The following TMEM272 variants were observed in gnomAD, a reference collection of about 807,000 sequenced individuals.
TMEM272 encodes long intergenic non-protein coding RNA 282.
TMEM272 carries 8 observed loss-of-function variants against 3.7 expected under a neutral mutation model. The observed-to-expected ratio is 2.17, with a 90% CI of 1.27 to 3.91. The LOEUF is 3.91. Ranked by LOEUF, TMEM272 falls within the 30% of genes most tolerant of loss-of-function variation. TMEM272 has a pLI of 0.00. For missense variants in TMEM272, 166 were observed against 91.5 expected (o/e 1.81, Z -3.32); for synonymous variants, 63 against 39.8 (o/e 1.58, Z -2.20).
At chr13:51,831,577 T>G (rs1956173586) in intron 2 of TMEM272, among the ~76,000 whole-genome samples, 1 of 152,222 alleles carries the variant, frequency 6.6e-6, no homozygotes, top group Non-Finnish European at 1.5e-5. Flanking sequence ...ATGGAAATCA[T>G]CAGCAGTTAC....
the TMEM272 span, among the ~76,000 whole-genome samples, chr13:51,905,997 C>T: frequency 6.6e-6 from 1 of 152,316 alleles, no homozygotes; most frequent in Admixed American, 6.5e-5. Context: ...AGCAGAGGAA[C>T]GTGCACTGTA....
At chr13:51,875,556 A>G in the TMEM272 span, among the ~76,000 whole-genome samples, 1 of 152,182 alleles carries the variant, frequency 6.6e-6, no homozygotes, top group Non-Finnish European at 1.5e-5. Flanking sequence ...AGATATTCTG[A>G]TGACAGTTCC....
chr13:51,846,786 T>C (rs1046200576), upstream of TMEM272, among the ~76,000 whole-genome samples: 9 of 152,224 alleles, frequency 5.9e-5, no homozygotes, highest in African/African-American at 2.2e-4. Context: ...GTATAATGTA[T>C]GGGCTAATGT....
chr13:51,880,354 T>A, the TMEM272 span, among the ~76,000 whole-genome samples: 1 of 152,074 alleles, frequency 6.6e-6, no homozygotes, highest in South Asian at 2.1e-4. Flanking sequence ...TTGAAATACT[T>A]GAAGAGAACC....
At chr13:51,844,293 CTATT>C (rs1158849004) in intron 1 of TMEM272, among the ~76,000 whole-genome samples, 3 of 115,428 alleles carry the variant, frequency 2.6e-5, no homozygotes, top group African/African-American at 1.0e-4. Context: ...GTAAATTAAA[CTATT>C]TATTCCTAAA....
rs985434661 is a variant in TMEM272, at chr13:51,826,633, GAGA to G, written c.59-11_59-9del. Reference sequence around the variant, plus strand: ...GCACAACAACGAAGCAGGCTGCAAGGAGAAGAAGGGGCAGGCACTGGGTTAGAA... The same window carrying G: ...GCACAACAACGAAGCAGGCTGCAAGGAGAAGGGGCAGGCACTGGGTTAGAA... On this transcript the variant is annotated splice_polypyrimidine_tract_variant and intron_variant, in intron 2 of 4. Transcript: ENST00000629372. The G allele has an allele frequency of 1.9e-5, 13 of 702,546 alleles. No individual in the cohort carries two copies. Among genetic ancestry groups the G allele is most frequent in the Middle Eastern group, 2.3e-4 (1 of 4,370 alleles). The allele number at this position is 702,546 out of a possible 1,614,324, so 43.5% of individuals were successfully genotyped here.
the TMEM272 span, among the ~76,000 whole-genome samples, chr13:51,922,160 T>C: frequency 3.5e-4 from 54 of 152,312 alleles, no homozygotes; most frequent in African/African-American, 1.0e-3. Flanking sequence ...GCAGGAGTTA[T>C]CGCTTGAAAA....
intron 2 of TMEM272, among the ~76,000 whole-genome samples, chr13:51,833,513 T>C (rs919299221): frequency 2.6e-5 from 4 of 152,026 alleles, no homozygotes; most frequent in Admixed American, 6.6e-5. Flanking sequence ...CAGCAGCGCC[T>C]TGAGCACCCA....
At chr13:51,849,597 G>T (rs903017012), upstream of TMEM272, among the ~76,000 whole-genome samples, 1 of 152,230 alleles carries the variant, frequency 6.6e-6, no homozygotes, top group Admixed American at 6.5e-5. Context: ...TGTCCAACAT[G>T]CTCCAGAAAA....
intron 2 of TMEM272, among the ~76,000 whole-genome samples, chr13:51,832,930 G>A (rs1170639525): frequency 2.6e-5 from 4 of 152,190 alleles, no homozygotes; most frequent in Admixed American, 2.0e-4. Context: ...GTGCACCCAA[G>A]GGACAGTACA....
chr13:51,816,421 G>A lies in TMEM272; in HGVS notation c.*330C>T, dbSNP rs1026316065. ...GCACCAGTCATTGAAATTGCACTAT[G>A]ATTTGAAAAGGTCTCCCATTCTTTG... On this transcript the variant is annotated 3_prime_UTR_variant, in exon 5 of 5. Coordinates refer to ENST00000629372, the MANE Select transcript of TMEM272 (RefSeq NM_001351003.2). 2 of 225,124 alleles carry A rather than the reference G, an allele frequency of 8.9e-6. No individual in the cohort carries two copies. Among genetic ancestry groups the A allele is most frequent in the African/African-American group, 4.4e-5 (2 of 45,044 alleles). 13.9% of individuals were successfully genotyped at this position (225,124 alleles called of 1,614,324 possible).
At chr13:51,905,139 G>A in the TMEM272 span, among the ~76,000 whole-genome samples, 1 of 152,218 alleles carries the variant, frequency 6.6e-6, no homozygotes. Context: ...CAGACAACAC[G>A]AAGCAGTCAA....
At chr13:51,851,803 G>A in the TMEM272 span, among the ~76,000 whole-genome samples, 1 of 152,178 alleles carries the variant, frequency 6.6e-6, no homozygotes, top group Non-Finnish European at 1.5e-5. Flanking sequence ...GATTACAGGC[G>A]TGAGCCACCG....
the TMEM272 span, among the ~76,000 whole-genome samples, chr13:51,874,458 T>C: frequency 6.6e-6 from 1 of 152,220 alleles, no homozygotes; most frequent in Non-Finnish European, 1.5e-5. Flanking sequence ...ACATGTTTAA[T>C]GATACAGATG....
chr13:51,926,855 A>T, the TMEM272 span, among the ~76,000 whole-genome samples: 126 of 152,254 alleles, frequency 8.3e-4, no homozygotes, highest in Non-Finnish European at 1.5e-3. Flanking sequence ...CATGTTGCAC[A>T]TCATAGATAC....
the TMEM272 span, among the ~76,000 whole-genome samples, chr13:51,860,739 GTATA>G: frequency 0.075 from 8,877 of 118,220 alleles, 356 homozygotes; most frequent in Non-Finnish European, 0.12. Context: ...ATGTGTGTGT[GTATA>G]TATATATATA....
chr13:51,911,183 A>G, the TMEM272 span, among the ~76,000 whole-genome samples: 1 of 152,218 alleles, frequency 6.6e-6, no homozygotes, highest in South Asian at 2.1e-4. Flanking sequence ...GTAAATTGTG[A>G]TAAGTAATTT....
chr13:51,895,243 G>A, the TMEM272 span, among the ~76,000 whole-genome samples: 2 of 152,218 alleles, frequency 1.3e-5, no homozygotes, highest in Admixed American at 6.5e-5. Flanking sequence ...CAGCCTGGCT[G>A]AGATGCATGT....
chr13:51,864,874 C>T, the TMEM272 span, among the ~76,000 whole-genome samples: 1 of 152,194 alleles, frequency 6.6e-6, no homozygotes, highest in Non-Finnish European at 1.5e-5. Context: ...TCCTAAAATA[C>T]ACTCTCCTCC....
Sources: allele counts gnomAD v4.1 joint callset (sites outside exome capture counted in the v4.1 genomes callset), GRCh38; gene constraint gnomAD v4.1.1; transcripts MANE v1.5; gene names NCBI Gene and HGNC (gene_info 2026-07-23, HGNC 2026-07-21).